Variants in MAML3 observed in about 807,000 individuals in gnomAD.
MAML3 encodes the protein mastermind-like protein 3.
A neutral mutation model predicts 101.9 loss-of-function variants in MAML3; 27 were observed. That is an observed-to-expected ratio of 0.27 (90% CI 0.20 to 0.37). The LOEUF is 0.37. MAML3 is among the 10% of genes least tolerant of loss of function. MAML3 has a pLI of 1.00. For missense variants in MAML3, 1,316 were observed against 1,444.9 expected (o/e 0.91, Z 1.45); for synonymous variants, 501 against 555.9 (o/e 0.90, Z 1.39).
intron 1 of MAML3, among the ~76,000 whole-genome samples, chr4:139,958,551 G>A (rs1733951651): frequency 6.6e-6 from 1 of 152,184 alleles, no homozygotes; most frequent in Admixed American, 6.5e-5. Context: ...CCAGGGGGAA[G>A]ACTGGGAAAT....
In MAML3 at chr4:139,864,923, C is replaced by CTTTT. The variant is rs56361332; in HGVS notation, c.2079+24430_2079+24433dup. Among the ~76,000 whole-genome samples the CTTTT allele has an allele frequency of 8.2e-3, 505 of 61,862 alleles. 63 individuals are homozygous for CTTTT. Among genetic ancestry groups the CTTTT allele is most frequent in the Non-Finnish European group, 0.01 (340 of 33,914 alleles). 40.6% of individuals were successfully genotyped at this position (61,862 alleles called of 152,430 possible). A position where few individuals can be genotyped will look rare whatever the true frequency, so the allele number is the denominator to read the frequency against. ...TTAGGAAAATAGTAATGCAAACTTG[C>CTTTT]TTTTTTTTTTTTTTTTTTTTTTTTT... is the stretch of plus-strand genomic sequence containing the variant. On this transcript the variant is annotated intron_variant, in intron 2 of 4. Transcript: ENST00000509479.
intron 2 of MAML3, among the ~76,000 whole-genome samples, chr4:139,832,261 C>T (rs953469689): frequency 2.0e-5 from 3 of 151,030 alleles, no homozygotes; most frequent in Non-Finnish European, 1.5e-5. Context: ...TGTGCCACTA[C>T]GCCCAGCTAT....
intron 1 of MAML3, among the ~76,000 whole-genome samples, chr4:140,145,532 C>A (rs1729044222): frequency 6.6e-6 from 1 of 151,622 alleles, no homozygotes; most frequent in Non-Finnish European, 1.5e-5. Context: ...AGAGGAAGTA[C>A]TGCAAGCCTT....
At position 140,094,816 on chromosome 4, in the gene MAML3, T is replaced by A. The variant is rs1015404625; in HGVS notation, c.468+58044A>T. On this transcript the variant is annotated intron_variant, in intron 1 of 4. Coordinates refer to ENST00000509479, the MANE Select transcript of MAML3 (RefSeq NM_018717.5). ...TCTGTCTGTAATGTTTCTCAGCTGA[T>A]CAATAGCTGTCTCTCTGTGTCATGA... 3.9e-5 allele frequency among the ~76,000 whole-genome samples: 6 copies of A among 152,242 alleles called. No individual in the cohort carries two copies. In the East Asian group the frequency reaches 1.2e-3, roughly 29 times the overall value.
At chr4:139,803,366 T>C (rs1417839093) in intron 2 of MAML3, among the ~76,000 whole-genome samples, 1 of 152,234 alleles carries the variant, frequency 6.6e-6, no homozygotes, top group Admixed American at 6.5e-5. Flanking sequence ...TGTTACAGAT[T>C]ACCATTTTTG....
intron 1 of MAML3, among the ~76,000 whole-genome samples, chr4:140,049,042 A>G (rs1414769878): frequency 6.6e-6 from 1 of 152,202 alleles, no homozygotes; most frequent in Non-Finnish European, 1.5e-5. Context: ...AGGTCAACAG[A>G]CGTCTTTATT....
At chr4:139,786,857 G>A (rs1399046290) in intron 2 of MAML3, among the ~76,000 whole-genome samples, 1 of 152,142 alleles carries the variant, frequency 6.6e-6, no homozygotes, top group Non-Finnish European at 1.5e-5. Flanking sequence ...AAGACAGCAC[G>A]ATATATTGAC....
intron 2 of MAML3, among the ~76,000 whole-genome samples, chr4:139,887,009 T>C (rs1163460396): frequency 1.4e-4 from 22 of 152,218 alleles, no homozygotes; most frequent in Admixed American, 1.4e-3. Context: ...ATCATGGTCA[T>C]TGTGATCAAC....
chr4:140,042,317 T>G (rs965034796), intron 1 of MAML3, among the ~76,000 whole-genome samples: 12 of 152,244 alleles, frequency 7.9e-5, no homozygotes, highest in Middle Eastern at 6.8e-3. Flanking sequence ...TTAACAAAAC[T>G]ATGCCTCACA....
At chr4:139,765,786 C>T (rs1729844287) in intron 2 of MAML3, among the ~76,000 whole-genome samples, 1 of 152,014 alleles carries the variant, frequency 6.6e-6, no homozygotes, top group East Asian at 1.9e-4. Context: ...AGTTCGAGAC[C>T]ATCCTGGGCA....
At chr4:140,135,992 G>C (rs1005544718) in intron 1 of MAML3, among the ~76,000 whole-genome samples, 1 of 152,086 alleles carries the variant, frequency 6.6e-6, no homozygotes, top group Admixed American at 6.5e-5. Flanking sequence ...TTTATTCAAG[G>C]AACAAAAGAC....
intron 1 of MAML3, among the ~76,000 whole-genome samples, chr4:140,040,951 T>C (rs1241954140): frequency 6.6e-6 from 1 of 152,120 alleles, no homozygotes; most frequent in Non-Finnish European, 1.5e-5. Context: ...AGCGAGTGTC[T>C]GACCCATTCT....
At chr4:139,911,725 G>T (rs1483302408) in intron 1 of MAML3, among the ~76,000 whole-genome samples, 1 of 152,112 alleles carries the variant, frequency 6.6e-6, no homozygotes, top group Non-Finnish European at 1.5e-5. Flanking sequence ...AGGCCCCAGA[G>T]ATCCCCCTCA....
intron 1 of MAML3, among the ~76,000 whole-genome samples, chr4:139,904,759 T>TCATAGAG (rs747923814): frequency 1.7e-5 from 2 of 117,306 alleles, no homozygotes; most frequent in South Asian, 3.7e-4. Flanking sequence ...TGTGTGAACA[T>TCATAGAG]CATATTCACA....
intron 1 of MAML3, among the ~76,000 whole-genome samples, chr4:140,050,331 C>T (rs977536316): frequency 6.6e-6 from 1 of 152,068 alleles, no homozygotes; most frequent in Non-Finnish European, 1.5e-5. Context: ...TTCTTTCGTT[C>T]GTAGAGAAAA....
chr4:140,135,407 G>A (rs956201383), intron 1 of MAML3, among the ~76,000 whole-genome samples: 5 of 152,200 alleles, frequency 3.3e-5, no homozygotes, highest in Admixed American at 3.3e-4. Context: ...ATGAATTAAC[G>A]CATTTAATAA....
chr4:139,904,366 T>C (rs1732778768), intron 1 of MAML3, among the ~76,000 whole-genome samples: 1 of 152,234 alleles, frequency 6.6e-6, no homozygotes, highest in Non-Finnish European at 1.5e-5. Flanking sequence ...TGCTCATGCT[T>C]AGATTTAACT....
chr4:139,719,296 A>G lies in MAML3; in HGVS notation c.*27T>C. 1 of 1,537,554 alleles carries G rather than the reference A, an allele frequency of 6.5e-7. No individual in the cohort carries two copies. Among genetic ancestry groups the G allele is most frequent in the Non-Finnish European group, 8.8e-7 (1 of 1,142,700 alleles). The stretch of plus-strand genomic sequence containing the variant: ...TCACTTTTTAAGCTTTAACCACTCG[A>G]GTTGTGGATCTTGGGGCCTCTCTTG... On this transcript the variant is annotated 3_prime_UTR_variant, in exon 5 of 5. Transcript: ENST00000509479.
chr4:140,043,943 G>T (rs913794521), intron 1 of MAML3, among the ~76,000 whole-genome samples: 6 of 152,142 alleles, frequency 3.9e-5, no homozygotes, highest in Non-Finnish European at 7.4e-5. Flanking sequence ...TTAATGAAAA[G>T]ATTATAAATC....
Sources: gnomAD v4.1 joint callset for allele counts (sites outside exome capture counted in the v4.1 genomes callset) on GRCh38, gnomAD v4.1.1 for gene constraint, MANE v1.5 for transcripts, NCBI Gene and HGNC (gene_info 2026-07-23, HGNC 2026-07-21) for gene names.